Variants in IGSF11 observed in about 807,000 individuals in gnomAD.
IGSF11 encodes immunoglobulin superfamily member 11, also known as CXADR like 1.
A neutral mutation model predicts 41.0 loss-of-function variants in IGSF11; 22 were observed. That is an observed-to-expected ratio of 0.54 (90% CI 0.38 to 0.77). The LOEUF (loss-of-function observed/expected upper bound fraction) is 0.77, where lower values mean the gene tolerates loss of function less well. IGSF11 is among the 30% of genes least tolerant of loss of function. The pLI, the probability that IGSF11 is intolerant of heterozygous loss-of-function variation, is 0.00. For missense variants in IGSF11, 444 were observed against 530.8 expected, an observed-to-expected ratio of 0.84 and a Z score of 1.61; for synonymous variants, 219 against 201.3, an observed-to-expected ratio of 1.09 and a Z score of -0.74.
Position 118,902,409 on chromosome 3 carries a change from A to T in IGSF11, c.*111T>A. The T allele has an allele frequency of 1.2e-6, 1 of 826,974 alleles. No individual in the cohort carries two copies. The highest frequency in any genetic ancestry group is 1.9e-6 in the Non-Finnish European group (1 of 520,632). The allele number at this position is 826,974 out of a possible 1,614,324, so 51.2% of individuals were successfully genotyped here. ...CACTGCCTTCTTCTTTGTGCATTTT[A>T]CTAATATAATTATAAGGAAGTGTTT... is the stretch of plus-strand genomic sequence containing the variant. On this transcript the variant is annotated 3_prime_UTR_variant, in exon 7 of 7. Coordinates refer to ENST00000393775, the MANE Select transcript of IGSF11 (RefSeq NM_001015887.3).
At chr3:119,074,105 T>G (rs1320781326) in intron 1 of IGSF11, among the ~76,000 whole-genome samples, 1 of 152,202 alleles carries the variant, frequency 6.6e-6, no homozygotes, top group African/African-American at 2.4e-5. Flanking sequence ...TTAGGCAGAT[T>G]ATCAAGGTAG....
At chr3:119,104,395 T>C (rs1341313894) in intron 1 of IGSF11, among the ~76,000 whole-genome samples, 1 of 152,208 alleles carries the variant, frequency 6.6e-6, no homozygotes, top group South Asian at 2.1e-4. Flanking sequence ...GCATGTAATA[T>C]GTTCTTCTCT....
At chr3:118,921,287 A>G (rs1941761224) in intron 4 of IGSF11, among the ~76,000 whole-genome samples, 2 of 152,190 alleles carry the variant, frequency 1.3e-5, no homozygotes, top group Non-Finnish European at 2.9e-5. Flanking sequence ...CACCTAGAAC[A>G]GTTTCTGGCA....
rs1559837272 is a variant in IGSF11 at position 119,051,152 on chromosome 3, T to TAAA, written c.49+53991_49+53992insTTT. ...CCTAAAACTTAAAGTATAATAATAATTAATAAATAAATAAATAAATAAATA... is the reference window on the plus strand; with the variant it reads ...CCTAAAACTTAAAGTATAATAATAATAAATAATAAATAAATAAATAAATAAATA... On this transcript the variant is annotated intron_variant, in intron 1 of 6. Coordinates refer to the IGSF11 transcript ENST00000354673. 1.3e-4 allele frequency among the ~76,000 whole-genome samples: 19 copies of TAAA among 149,952 alleles called. No homozygotes were observed. The South Asian group carries it at 2.9e-3, about 23-fold the overall frequency.
intron 1 of IGSF11, among the ~76,000 whole-genome samples, chr3:118,981,032 G>GT (rs1292383534): frequency 1.3e-5 from 2 of 152,234 alleles, no homozygotes; most frequent in African/African-American, 4.8e-5. Flanking sequence ...ATCTGGGACA[G>GT]TGGTTTACAA....
intron 1 of IGSF11, among the ~76,000 whole-genome samples, chr3:118,956,208 G>A (rs1364985509): frequency 2.0e-5 from 3 of 152,116 alleles, no homozygotes; most frequent in Non-Finnish European, 4.4e-5. Context: ...AAATGTTGTG[G>A]CCGGTTTTAT....
At chr3:118,955,489 A>G (rs1043863487) in intron 1 of IGSF11, among the ~76,000 whole-genome samples, 2 of 152,148 alleles carry the variant, frequency 1.3e-5, no homozygotes, top group South Asian at 2.1e-4. Context: ...TGATTTTTCT[A>G]TAAGGTGAGA....
intron 1 of IGSF11, among the ~76,000 whole-genome samples, chr3:118,943,645 T>C (rs1559936504): frequency 6.6e-6 from 1 of 152,188 alleles, no homozygotes; most frequent in Non-Finnish European, 1.5e-5. Flanking sequence ...GGATAATGAA[T>C]AGGGTGAGAA....
At chr3:118,950,173 T>C (rs1204457661) in intron 1 of IGSF11, among the ~76,000 whole-genome samples, 1 of 152,190 alleles carries the variant, frequency 6.6e-6, no homozygotes, top group East Asian at 1.9e-4. Context: ...ACTCACTCTA[T>C]ACTTTCTCTG....
chr3:119,136,842 CA>C (rs200536287), intron 1 of IGSF11, among the ~76,000 whole-genome samples: 9 of 149,222 alleles, frequency 6.0e-5, no homozygotes, highest in South Asian at 2.1e-4. Flanking sequence ...CGGGACTCCA[CA>C]AAAAAAAACT....
intron 1 of IGSF11, among the ~76,000 whole-genome samples, chr3:119,083,126 CTTTT>C (rs79620142): frequency 4.2e-4 from 54 of 129,074 alleles, no homozygotes; most frequent in East Asian, 2.2e-3. Context: ...TTTCTTTTTT[CTTTT>C]TTTTTTTTTT....
At chr3:119,006,071 T>C (rs1024551550) in intron 1 of IGSF11, among the ~76,000 whole-genome samples, 14 of 113,090 alleles carry the variant, frequency 1.2e-4, no homozygotes, top group Non-Finnish European at 2.2e-4. Context: ...TCCAACTTGG[T>C]TCCATTCTCC....
chr3:118,937,147 G>C (rs1943346520), intron 1 of IGSF11, among the ~76,000 whole-genome samples: 1 of 152,184 alleles, frequency 6.6e-6, no homozygotes, highest in African/African-American at 2.4e-5. Context: ...ATGGCACTTT[G>C]GGAGGCCTAT....
intron 1 of IGSF11, among the ~76,000 whole-genome samples, chr3:118,950,083 G>C (rs1214123864): frequency 6.6e-6 from 1 of 152,160 alleles, no homozygotes; most frequent in East Asian, 1.9e-4. Context: ...GTCAGGAATG[G>C]AAGTATAAAT....
intron 4 of IGSF11, among the ~76,000 whole-genome samples, chr3:118,914,404 G>T (rs548199557): frequency 3.3e-5 from 5 of 151,516 alleles, no homozygotes; most frequent in Non-Finnish European, 7.4e-5. Context: ...TGCGCGCACC[G>T]TGTGCGAGCC....
chr3:118,920,688 G>C (rs1204110865), intron 4 of IGSF11, among the ~76,000 whole-genome samples: 1 of 152,026 alleles, frequency 6.6e-6, no homozygotes, highest in Non-Finnish European at 1.5e-5. Flanking sequence ...CTCAAAATGG[G>C]TAAAGAAAAT....
At chr3:118,977,960 A>G (rs894507289) in intron 1 of IGSF11, among the ~76,000 whole-genome samples, 2 of 152,162 alleles carry the variant, frequency 1.3e-5, no homozygotes, top group Middle Eastern at 3.2e-3. Context: ...GCGGCCATGC[A>G]TTCTCATGCA....
At chr3:118,907,768 G>A (rs1939787529) in intron 4 of IGSF11, among the ~76,000 whole-genome samples, 1 of 152,130 alleles carries the variant, frequency 6.6e-6, no homozygotes, top group Admixed American at 6.6e-5. Context: ...ACAAGTAGCA[G>A]CAATCTATAA....
upstream of IGSF11, among the ~76,000 whole-genome samples, chr3:119,038,815 A>C (rs950920417): frequency 5.3e-5 from 8 of 152,186 alleles, no homozygotes; most frequent in Non-Finnish European, 1.0e-4. Context: ...GTATTTTCCA[A>C]TTCTGAGGTG....
Sources: gnomAD v4.1 joint callset for allele counts (sites outside exome capture counted in the v4.1 genomes callset) on GRCh38, gnomAD v4.1.1 for gene constraint, MANE v1.5 for transcripts, NCBI Gene and HGNC (gene_info 2026-07-23, HGNC 2026-07-21) for gene names.